The following LCOR variants were observed in gnomAD, a reference collection of about 807,000 sequenced individuals.
The protein encoded by LCOR is ligand dependent nuclear receptor corepressor.
In LCOR, 14 loss-of-function variants were observed where a neutral mutation model predicts 64.4. That is an observed-to-expected ratio of 0.22 (90% confidence interval 0.14 to 0.34). LCOR has a LOEUF of 0.34. Among genes scored for constraint, LCOR ranks in the 10% least tolerant of loss-of-function variants. LCOR has a pLI of 1.00. For missense variants in LCOR, 1,686 were observed against 1,765.3 expected (o/e 0.96, Z 0.80); for synonymous variants, 643 against 642.5 (o/e 1.00, Z -0.01).
At chr10:96,901,903 G>A (rs1300941114) in intron 2 of LCOR, among the ~76,000 whole-genome samples, 1 of 152,090 alleles carries the variant, frequency 6.6e-6, no homozygotes, top group Admixed American at 6.5e-5. Flanking sequence ...CCGGGTAGTT[G>A]GGACTACAGG....
chr10:96,911,038 A>G lies in LCOR; in HGVS notation c.-184+3291A>G, dbSNP rs555972180. On this transcript the variant is annotated intron_variant, in intron 4 of 7. Coordinates refer to ENST00000421806, the MANE Select transcript of LCOR (RefSeq NM_001346516.2). ...GTTAGAGAATGTAATTGTAAGGGAA[A>G]GGCAACTAACATGTTCTGAGCATCT... is the stretch of plus-strand genomic sequence containing the variant. Among the ~76,000 whole-genome samples, 3 of 152,118 alleles carry G rather than the reference A, an allele frequency of 2.0e-5. No individual in the cohort carries two copies. In the South Asian group the frequency reaches 6.2e-4, roughly 32 times the overall value.
chr10:96,946,062 C>T (rs1847584951), intron 5 of LCOR, among the ~76,000 whole-genome samples: 1 of 151,854 alleles, frequency 6.6e-6, no homozygotes, highest in Admixed American at 6.6e-5. Context: ...TGTTTATGTA[C>T]AGGCATGTGA....
In LCOR at chr10:96,985,198, T is replaced by G; in HGVS notation, c.*64T>G. 1.3e-6 allele frequency: 2 copies of G among 1,491,898 alleles called. No individual in the cohort carries two copies. The highest frequency in any genetic ancestry group is 1.8e-6 in the Non-Finnish European group (2 of 1,122,296). The allele number at this position is 1,491,898 out of a possible 1,614,324, so 92.4% of individuals were successfully genotyped here. A position where few individuals can be genotyped will look rare whatever the true frequency, so the allele number is the denominator to read the frequency against. On this transcript the variant is annotated 3_prime_UTR_variant, in exon 8 of 8. Transcript: ENST00000421806. ...AAGTAACCTTTTATTTTGCATTAACTAAATCTGCTTTTATAAGCTTATCAA... is the reference window on the plus strand; with the variant it reads ...AAGTAACCTTTTATTTTGCATTAACGAAATCTGCTTTTATAAGCTTATCAA...
chr10:96,988,370 C>T lies in LCOR; in HGVS notation c.*3236C>T, dbSNP rs1350488553. On this transcript the variant is annotated 3_prime_UTR_variant, in exon 8 of 8. Transcript: ENST00000421806. The stretch of plus-strand genomic sequence containing the variant: ...TTCCTTGTTAAAGACTTCTGTGCAG[C>T]CTTATCTAAAATGATAATCTTAGGC... 6.6e-6 allele frequency: 1 copy of T among 152,180 alleles called. No individual in the cohort carries two copies. The highest frequency in any genetic ancestry group is 1.9e-4 in the East Asian group (1 of 5,188). 9.4% of individuals were successfully genotyped at this position (152,180 alleles called of 1,614,324 possible).
intron 2 of LCOR, among the ~76,000 whole-genome samples, chr10:96,834,542 T>TA (rs1171220180): frequency 3.3e-5 from 5 of 152,204 alleles, no homozygotes; most frequent in Admixed American, 6.5e-5. Flanking sequence ...AGAGAGCATA[T>TA]AGCAGGTTTT....
Position 96,990,194 on chromosome 10 carries a change from GTCTCAC to G in LCOR, c.*5064_*5069del, listed in dbSNP as rs1467086911. On this transcript the variant is annotated 3_prime_UTR_variant, in exon 8 of 8. Coordinates refer to ENST00000421806, the MANE Select transcript of LCOR (RefSeq NM_001346516.2). The stretch of plus-strand genomic sequence containing the variant: ...TCCCCCTGCCCAGCCCCCAGACAGG[GTCTCAC>G]TCTGTCGCCCCAGGCTGGAGTGCAA... The G allele has an allele frequency of 1.4e-4, 21 of 152,142 alleles. No individual in the cohort carries two copies. Among genetic ancestry groups the G allele is most frequent in the Non-Finnish European group, 1.5e-5 (1 of 68,034 alleles). 9.4% of individuals were successfully genotyped at this position (152,142 alleles called of 1,614,324 possible).
In LCOR at chr10:96,981,475, C is replaced by T; in HGVS notation, c.1015C>T (p.Pro339Ser). ...NSEEGNTCII[P>S]QRNLFKALSE... ...TGAGGAAGGCAATACCTGTATTATT[C>T]CTCAAAGAAATTTGTTCAAAGCTTT... Residue 339 changes from proline (P) to serine (S), a missense_variant, in exon 8 of 8, where the codon CCT becomes TCT. Coordinates refer to ENST00000421806, the MANE Select transcript of LCOR (RefSeq NM_001346516.2). The T allele has an allele frequency of 6.2e-7, 1 of 1,614,146 alleles. No homozygotes were observed. The highest frequency in any genetic ancestry group is 8.5e-7 in the Non-Finnish European group (1 of 1,180,020).
At chr10:96,894,298 C>G (rs966559980) in intron 2 of LCOR, among the ~76,000 whole-genome samples, 34 of 152,066 alleles carry the variant, frequency 2.2e-4, no homozygotes, top group African/African-American at 8.2e-4. Flanking sequence ...CACCATGTCT[C>G]AATTTCTTGA....
At chr10:96,969,632 A>G (rs977322741) in intron 7 of LCOR, among the ~76,000 whole-genome samples, 1 of 152,282 alleles carries the variant, frequency 6.6e-6, no homozygotes, top group Non-Finnish European at 1.5e-5. Flanking sequence ...AAACTTTTCC[A>G]GTGGAAGAAG....
intron 2 of LCOR, among the ~76,000 whole-genome samples, chr10:96,851,269 A>C (rs1032138717): frequency 6.6e-6 from 1 of 152,210 alleles, no homozygotes; most frequent in Non-Finnish European, 1.5e-5. Flanking sequence ...TGTTTATGCC[A>C]TGTACTTTTC....
At chr10:96,856,144 C>G (rs4431964) in intron 2 of LCOR, among the ~76,000 whole-genome samples, 5 of 151,258 alleles carry the variant, frequency 3.3e-5, no homozygotes, top group Non-Finnish European at 7.4e-5. Context: ...AATCTCACCT[C>G]GCTGCAACCT....
rs11188980 is a variant in LCOR, at chr10:96,981,536, A to T, written c.1076A>T (p.Asn359Ile). ...EEAWNSGFMG[N>I]SSRTADKENT... ...GCTTGGAACTCAGGGTTTATGGGGA[A>T]CTCATCTAGAACTGCTGACAAAGAG... The change falls in exon 8 of 8, where the codon AAC becomes ATC. Residue 359 changes from asparagine (N) to isoleucine (I), a missense_variant. Asn to Ile is a moderately radical substitution (Grantham distance 149). Around this residue, in one of 3 missense-constraint regions of LCOR, gnomAD observed 313 missense variants for 247.2 expected, o/e 1.27. Coordinates refer to ENST00000421806, the MANE Select transcript of LCOR (RefSeq NM_001346516.2). 2 of 1,614,088 alleles carry T rather than the reference A, an allele frequency of 1.2e-6. No homozygotes were observed. The highest frequency in any genetic ancestry group is 2.7e-5 in the African/African-American group (2 of 74,926).
chr10:96,845,188 G>C (rs769207250), intron 2 of LCOR, among the ~76,000 whole-genome samples: 2 of 152,142 alleles, frequency 1.3e-5, no homozygotes, highest in Non-Finnish European at 2.9e-5. Flanking sequence ...TAGACAAAAT[G>C]ATTACTAGCA....
chr10:96,853,017 T>A (rs1413868095), intron 2 of LCOR, among the ~76,000 whole-genome samples: 1 of 152,202 alleles, frequency 6.6e-6, no homozygotes, highest in East Asian at 1.9e-4. Flanking sequence ...GTAATGATAA[T>A]AGGAATACAC....
intron 7 of LCOR, among the ~76,000 whole-genome samples, chr10:96,974,968 A>G (rs1848026323): frequency 6.6e-6 from 1 of 152,218 alleles, no homozygotes; most frequent in Non-Finnish European, 1.5e-5. Context: ...CAGGCGCTTA[A>G]GACCAGCCTG....
At chr10:96,909,353 T>G (rs1177372872) in intron 4 of LCOR, among the ~76,000 whole-genome samples, 1 of 152,246 alleles carries the variant, frequency 6.6e-6, no homozygotes, top group African/African-American at 2.4e-5. Context: ...AACTAAGCTA[T>G]TTCTCTATAG....
intron 2 of LCOR, among the ~76,000 whole-genome samples, chr10:96,869,684 C>T (rs1846038547): frequency 6.6e-6 from 1 of 151,264 alleles, no homozygotes; most frequent in African/African-American, 2.4e-5. Context: ...AAGCGATTCT[C>T]CTGCCTCAGC....
intron 2 of LCOR, among the ~76,000 whole-genome samples, chr10:96,859,014 T>C (rs1845846751): frequency 1.3e-5 from 2 of 152,172 alleles, no homozygotes; most frequent in South Asian, 4.1e-4. Context: ...TCAGGACACT[T>C]TGTATTGCAA....
intron 4 of LCOR, among the ~76,000 whole-genome samples, chr10:96,915,437 C>T (rs1411829335): frequency 6.6e-6 from 1 of 152,204 alleles, no homozygotes; most frequent in Non-Finnish European, 1.5e-5. Flanking sequence ...AGGAGAATCA[C>T]TTGAACCCAG....
Sources: allele counts gnomAD v4.1 joint callset (sites outside exome capture counted in the v4.1 genomes callset), GRCh38; gene constraint gnomAD v4.1.1; regional missense constraint gnomAD v4.1.1; transcripts MANE v1.5; gene names NCBI Gene and HGNC (gene_info 2026-07-23, HGNC 2026-07-21).